Variants in LRRK2 observed in about 807,000 individuals in gnomAD.
The protein encoded by LRRK2 is leucine-rich repeat serine/threonine-protein kinase 2.
A neutral mutation model predicts 302.6 loss-of-function variants in LRRK2; 203 were observed. The observed-to-expected ratio is 0.67, with a 90% CI of 0.60 to 0.75. LRRK2 has a LOEUF of 0.75. Among genes scored for constraint, LRRK2 ranks in the 30% least tolerant of loss-of-function variants. The probability of loss-of-function intolerance (pLI) is 0.00; values close to 1 mark genes in which losing one functional copy is unlikely to be tolerated. For missense variants in LRRK2, 2,830 were observed against 2,951.0 expected (o/e 0.96, Z 0.95); for synonymous variants, 1,066 against 1,031.9 (o/e 1.03, Z -0.63).
chr12:40,308,553 C>T lies in LRRK2; in HGVS notation c.4046C>T (p.Thr1349Ile), dbSNP rs1042592521. Residue 1349 changes from threonine to isoleucine, a missense_variant, in exon 29 of 51, where the codon ACC (threonine) becomes ATC (isoleucine). Thr to Ile is a moderately conservative substitution (Grantham distance 89). Coordinates refer to ENST00000298910, the MANE Select transcript of LRRK2 (RefSeq NM_198578.4). ...IVGNTGSGKT[T>I]LLQQLMKTKK... ...GGAAATACTGGGAGTGGTAAAACCACCTTATTGCAGCAATTAATGAAAACC... is the reference window on the plus strand; with the variant it reads ...GGAAATACTGGGAGTGGTAAAACCATCTTATTGCAGCAATTAATGAAAACC... 4 of 1,613,956 alleles carry T rather than the reference C, an allele frequency of 2.5e-6. No homozygotes were observed. Among genetic ancestry groups the T allele is most frequent in the East Asian group, 2.2e-5 (1 of 44,856 alleles).
At position 40,274,630 on chromosome 12, in the gene LRRK2, T is replaced by C; in HGVS notation, c.1704T>C (p.Ser568=). The change falls in exon 15 of 51, where the codon TCT becomes TCC. Residue 568 remains serine (S), a synonymous_variant. Coordinates refer to ENST00000298910, the MANE Select transcript of LRRK2 (RefSeq NM_198578.4). ...AGAAATGTGGATTAAAAGTAATTTC[T>C]TCTATTGTACATTTTCCTGATGCAT... ...GIQKCGLKVI[S]SIVHFPDALE... is the part of the protein sequence containing the mutation. 1 of 1,613,978 alleles carries C rather than the reference T, an allele frequency of 6.2e-7. No homozygotes were observed. Among genetic ancestry groups the C allele is most frequent in the South Asian group, 1.1e-5 (1 of 91,086 alleles).
At chr12:40,247,211 G>A (rs1027446166) in intron 7 of LRRK2, among the ~76,000 whole-genome samples, 9 of 151,910 alleles carry the variant, frequency 5.9e-5, no homozygotes, top group Non-Finnish European at 1.0e-4. Flanking sequence ...ATTGATTTTA[G>A]CATTAGGAAA....
Position 40,225,005 on chromosome 12 carries a change from C to T in LRRK2, c.-127C>T. On this transcript the variant is annotated 5_prime_UTR_variant, in exon 1 of 51. Coordinates refer to ENST00000298910, the MANE Select transcript of LRRK2 (RefSeq NM_198578.4). ...CGGGCGTGGGCGCCGATGGGGCCCG[C>T]GGGGAGCGCTGGCTGCGGGCGGTGA... 7.8e-7 allele frequency: 1 copy of T among 1,278,228 alleles called. No homozygotes were observed. Among genetic ancestry groups the T allele is most frequent in the East Asian group, 2.5e-5 (1 of 39,710 alleles). 79.2% of individuals were successfully genotyped at this position (1,278,228 alleles called of 1,614,324 possible). A position where few individuals can be genotyped will look rare whatever the true frequency, so the allele number is the denominator to read the frequency against.
intron 36 of LRRK2, 45 bp from the exon 37 acceptor site, chr12:40,322,274 T>G: frequency 4.4e-6 from 7 of 1,608,050 alleles, no homozygotes; most frequent in Non-Finnish European, 6.0e-6. Flanking sequence ...TTTGCGACAG[T>G]ATGAGGTTTA....
chr12:40,302,049 C>A (rs7312696), intron 25 of LRRK2, among the ~76,000 whole-genome samples: 1 of 151,992 alleles, frequency 6.6e-6, no homozygotes, highest in South Asian at 2.1e-4. Flanking sequence ...ATGATGGCAC[C>A]TGCCTGTAAT....
At chr12:40,259,445 G>C in intron 12 of LRRK2, 35 bp from the exon 13 acceptor site, 1 of 1,612,128 alleles carries the variant, frequency 6.2e-7, no homozygotes, top group African/African-American at 1.3e-5. Context: ...AATCAGATCA[G>C]TCTTTCAATA....
chr12:40,261,620 G>C (rs1192193310), intron 13 of LRRK2, among the ~76,000 whole-genome samples: 1 of 152,076 alleles, frequency 6.6e-6, no homozygotes, highest in Non-Finnish European at 1.5e-5. Flanking sequence ...AATGTACCAT[G>C]CCGTGCAGTA....
At position 40,277,949 on chromosome 12, in the gene LRRK2, A is replaced by G. The variant is rs376731129; in HGVS notation, c.2003A>G (p.His668Arg). The change falls in exon 17 of 51, where the codon CAT (histidine) becomes CGT (arginine). Residue 668 changes from histidine (H) to arginine (R), a missense_variant. Coordinates refer to ENST00000298910, the MANE Select transcript of LRRK2 (RefSeq NM_198578.4). The part of the protein sequence containing the change: ...LSASFSKLLV[H>R]HSFDLVIFHQ... ...GCATCTTTTTCTAAGCTGCTGGTGC[A>G]TCATTCATTTGACTTAGTAATATTC... is the stretch of plus-strand genomic sequence containing the variant. 5.6e-6 allele frequency: 9 copies of G among 1,613,114 alleles called. No individual in the cohort carries two copies. Among genetic ancestry groups the G allele is most frequent in the Non-Finnish European group, 7.6e-6 (9 of 1,179,828 alleles).
At position 40,225,025 on chromosome 12, in the gene LRRK2, C is replaced by A. The variant is rs1266923815; in HGVS notation, c.-107C>A. 2 of 1,425,870 alleles carry A rather than the reference C, an allele frequency of 1.4e-6. No individual in the cohort carries two copies. The highest frequency in any genetic ancestry group is 1.9e-5 in the Admixed American group (1 of 52,698). 88.3% of individuals were successfully genotyped at this position (1,425,870 alleles called of 1,614,324 possible). On this transcript the variant is annotated 5_prime_UTR_variant, in exon 1 of 51. Transcript: ENST00000298910. The stretch of plus-strand genomic sequence containing the variant: ...GCCCGCGGGGAGCGCTGGCTGCGGG[C>A]GGTGAGCTGAGCTCGCCCCCGGGGA...
chr12:40,339,209 C>T (rs1945964303), intron 40 of LRRK2, among the ~76,000 whole-genome samples: 1 of 152,142 alleles, frequency 6.6e-6, no homozygotes, highest in Non-Finnish European at 1.5e-5. Flanking sequence ...TGAGCCAAAA[C>T]CAACAGTCAC....
At chr12:40,256,086 G>A (rs10784451) in intron 11 of LRRK2, among the ~76,000 whole-genome samples, 22,953 of 152,204 alleles carry the variant, frequency 0.15, 1,908 homozygotes, top group Middle Eastern at 0.28. Context: ...GCGGCTTCAA[G>A]ACAATTGATA....
At chr12:40,362,485 A>G (rs546454974) in intron 47 of LRRK2, among the ~76,000 whole-genome samples, 7 of 151,998 alleles carry the variant, frequency 4.6e-5, no homozygotes, top group Non-Finnish European at 8.8e-5. Flanking sequence ...TGTTTACTGG[A>G]CGAGGGGTAT....
intron 25 of LRRK2, among the ~76,000 whole-genome samples, chr12:40,301,964 G>A (rs1944644918): frequency 6.6e-6 from 1 of 152,086 alleles, no homozygotes; most frequent in South Asian, 2.1e-4. Flanking sequence ...AGATCACAAG[G>A]TCAGGAGATG....
chr12:40,334,374 C>G (rs1164802661), intron 39 of LRRK2, among the ~76,000 whole-genome samples: 1 of 152,140 alleles, frequency 6.6e-6, no homozygotes, highest in Admixed American at 6.5e-5. Flanking sequence ...GGGGTGCTGA[C>G]CCCTTGTGCA....
At chr12:40,350,026 G>C (rs992137840) in intron 43 of LRRK2, among the ~76,000 whole-genome samples, 12 of 152,188 alleles carry the variant, frequency 7.9e-5, no homozygotes, top group South Asian at 2.1e-4. Context: ...ACAAGCTTGT[G>C]AGTAGCAATT....
chr12:40,332,463 A>T (rs1450220074), intron 39 of LRRK2, among the ~76,000 whole-genome samples: 29 of 152,240 alleles, frequency 1.9e-4, no homozygotes, highest in Admixed American at 1.9e-3. Context: ...CTTCCATCTT[A>T]TACCAGAACT....
Position 40,251,373 on chromosome 12 carries a change from A to T in LRRK2, c.1100A>T (p.Gln367Leu), listed in dbSNP as rs1231769673. ...TGGCATAGAAAGAACAAGCACGTGC[A>T]GGTAGGACTCTCATAAATATTAGAG... is the stretch of plus-strand genomic sequence containing the variant. The part of the protein sequence containing the change: ...LTWHRKNKHV[Q>L]EAACWALNNL... The change falls in exon 9 of 51, where the codon CAG becomes CTG. Residue 367 changes from glutamine to leucine, a missense_variant and splice_region_variant. By Grantham distance (113) the Gln-to-Leu change is moderately radical (BLOSUM62 -2). Around this residue, in one of 3 missense-constraint regions of LRRK2, gnomAD observed 2,121 missense variants for 2,148.0 expected, o/e 0.99. Coordinates refer to ENST00000298910, the MANE Select transcript of LRRK2 (RefSeq NM_198578.4). The T allele has an allele frequency of 6.2e-7, 1 of 1,613,870 alleles. No homozygotes were observed. The highest frequency in any genetic ancestry group is 1.3e-5 in the African/African-American group (1 of 74,926).
chr12:40,325,662 A>G (rs1345869093), intron 38 of LRRK2, among the ~76,000 whole-genome samples: 2 of 152,180 alleles, frequency 1.3e-5, no homozygotes, highest in African/African-American at 4.8e-5. Context: ...TTCTAAAAAC[A>G]TTTTACAGGT....
rs200441749 is a variant in LRRK2 at position 40,290,464 on chromosome 12, A to G, written c.2689+2925A>G. ...ACAATTTTCTGGAAGAATTTGTGTA[A>G]AGGTATTTTCTTCTTAAATGTCTGA... On this transcript the variant is annotated intron_variant, in intron 20 of 50. Transcript: ENST00000298910. 5.7e-4 allele frequency among the ~76,000 whole-genome samples: 86 copies of G among 152,168 alleles called. No individual in the cohort carries two copies. In the East Asian group the frequency reaches 0.012, roughly 21 times the overall value.
Sources: gnomAD v4.1 joint callset for allele counts (sites outside exome capture counted in the v4.1 genomes callset) on GRCh38, gnomAD v4.1.1 for gene constraint, gnomAD v4.1.1 regional missense constraint, MANE v1.5 for transcripts, NCBI Gene and HGNC (gene_info 2026-07-23, HGNC 2026-07-21) for gene names.